The following JAKMIP3 variants were observed in gnomAD, a reference collection of about 807,000 sequenced individuals.
The protein encoded by JAKMIP3 is janus kinase and microtubule-interacting protein 3.
A neutral mutation model predicts 118.5 loss-of-function variants in JAKMIP3; 58 were observed. That is an observed-to-expected ratio of 0.49 (90% confidence interval 0.40 to 0.61). JAKMIP3 has a LOEUF of 0.61. JAKMIP3 is among the 20% of genes least tolerant of loss of function. The pLI is 0.00. For missense variants in JAKMIP3, 950 were observed against 1,109.0 expected (o/e 0.86, Z 2.04); for synonymous variants, 486 against 451.2 (o/e 1.08, Z -0.98).
intron 1 of JAKMIP3, among the ~76,000 whole-genome samples, chr10:132,087,434 G>A (rs1268479029): frequency 6.6e-6 from 1 of 152,100 alleles, no homozygotes; most frequent in Non-Finnish European, 1.5e-5. Flanking sequence ...AGTTTTTCTT[G>A]ATTGTTCCCC....
intron 23 of JAKMIP3, among the ~76,000 whole-genome samples, chr10:132,172,800 G>C (rs2059629808): frequency 6.6e-6 from 1 of 151,748 alleles, no homozygotes. Context: ...AGAGCAGTGT[G>C]CAGAAACCAA....
At chr10:132,121,125 G>A (rs1421707476) in intron 3 of JAKMIP3, among the ~76,000 whole-genome samples, 1 of 152,164 alleles carries the variant, frequency 6.6e-6, no homozygotes, top group Non-Finnish European at 1.5e-5. Context: ...GCTGGGGTGA[G>A]GGTGGGGTCC....
chr10:132,082,203 T>C (rs1397437202), intron 1 of JAKMIP3, among the ~76,000 whole-genome samples: 1 of 152,136 alleles, frequency 6.6e-6, no homozygotes, highest in Non-Finnish European at 1.5e-5. Context: ...TTGCTTCCCT[T>C]TTAATAATTT....
chr10:132,116,100 GA>G (rs1476409030), intron 2 of JAKMIP3, among the ~76,000 whole-genome samples: 7 of 152,244 alleles, frequency 4.6e-5, no homozygotes, highest in Admixed American at 4.6e-4. Flanking sequence ...TTGCTTCTTA[GA>G]AGAAGTGCCT....
rs1227605009 is a variant in JAKMIP3 at position 132,049,610 on chromosome 10, C to G, written c.-138+12872C>G. Among the ~76,000 whole-genome samples, 1 of 151,728 alleles carries G rather than the reference C, an allele frequency of 6.6e-6. No homozygotes were observed. The highest frequency in any genetic ancestry group is 1.5e-5 in the Non-Finnish European group (1 of 67,990). On this transcript the variant is annotated intron_variant, in intron 1 of 23. Transcript: ENST00000657785. This position sits in a 1 kb window ranked among gnomAD's most constrained non-coding sequence, Gnocchi z 4.3. The stretch of plus-strand genomic sequence containing the variant: ...TATCCTTGAATGCTGTTTGCGTGTG[C>G]CCGGTTCTGTTTGGATGTACAGGTT...
Position 132,180,580 on chromosome 10 carries a change from C to CGTGT in JAKMIP3, c.*1104-1774_*1104-1773insTGTG, listed in dbSNP as rs1241643311. ...ATGCGTGTGTGTGCGTGTGTGTGTG[C>CGTGT]GTGCGCGTGTGTGTGTGCGTGCGCG... On this transcript the variant is annotated intron_variant, in intron 23 of 23. Transcript: ENST00000684848. Among the ~76,000 whole-genome samples the CGTGT allele has an allele frequency of 4.8e-3, 62 of 12,972 alleles. 19 individuals carry two copies. The highest frequency in any genetic ancestry group is 0.027 in the African/African-American group (50 of 1,850). The allele number at this position is 12,972 out of a possible 152,430, so 8.5% of individuals were successfully genotyped here.
intron 23 of JAKMIP3, among the ~76,000 whole-genome samples, chr10:132,170,736 C>G (rs1469392798): frequency 6.6e-6 from 1 of 152,200 alleles, no homozygotes; most frequent in African/African-American, 2.4e-5. Context: ...GTGTCTCAGG[C>G]CTGTCGGCAT....
At chr10:132,130,065 C>T (rs1360390570) in intron 3 of JAKMIP3, among the ~76,000 whole-genome samples, 1 of 152,024 alleles carries the variant, frequency 6.6e-6, no homozygotes, top group African/African-American at 2.4e-5. Context: ...GTCTCTGGGA[C>T]ATCAAGGGGC....
At chr10:132,148,459 G>A (rs911196564) in intron 14 of JAKMIP3, among the ~76,000 whole-genome samples, 7 of 96,048 alleles carry the variant, frequency 7.3e-5, no homozygotes, top group Admixed American at 4.4e-4. Context: ...CCATCTGCCC[G>A]TCCTCCATCC....
At chr10:132,167,644 G>T (rs886937126) in intron 22 of JAKMIP3, among the ~76,000 whole-genome samples, 1 of 152,122 alleles carries the variant, frequency 6.6e-6, no homozygotes, top group African/African-American at 2.4e-5. Flanking sequence ...ATCATTGTTC[G>T]CCTCGGTCCT....
At position 132,153,749 on chromosome 10, in the gene JAKMIP3, TTG is replaced by T; in HGVS notation, c.2074-6_2074-5del. 1 of 1,612,884 alleles carries T rather than the reference TTG, an allele frequency of 6.2e-7. No individual in the cohort carries two copies. On this transcript the variant is annotated splice_region_variant and splice_polypyrimidine_tract_variant and intron_variant, in intron 17 of 23. Coordinates refer to ENST00000684848, the MANE Select transcript of JAKMIP3 (RefSeq NM_001323087.2). ...GGGGTCACTGTCCTGCTTGTTCTGT[TTG>T]TGTCCAGTGGCTCCAGCAGATTGAG... is the stretch of plus-strand genomic sequence containing the variant.
intron 1 of JAKMIP3, among the ~76,000 whole-genome samples, chr10:132,103,443 AGAGGAGCAGCTGGGGGGGG>A (rs1258661548): frequency 0.021 from 562 of 26,814 alleles, 6 homozygotes; most frequent in Admixed American, 0.05. Context: ...CACCTGGGGG[AGAGGAGCAGCTGGGGGGGG>A]GAGGAGCAGC....
intron 1 of JAKMIP3, among the ~76,000 whole-genome samples, chr10:132,087,254 A>T (rs1475509944): frequency 6.6e-6 from 1 of 152,150 alleles, no homozygotes; most frequent in Non-Finnish European, 1.5e-5. Flanking sequence ...GTTTTCCTTT[A>T]TAGGTTACCT....
At chr10:132,170,660 G>A (rs2059404301) in intron 23 of JAKMIP3, among the ~76,000 whole-genome samples, 1 of 152,184 alleles carries the variant, frequency 6.6e-6, no homozygotes, top group African/African-American at 2.4e-5. Context: ...GTGTCCATGG[G>A]GGCGGTCAGG....
At chr10:132,109,049 CACAT>C (rs201501953) in intron 2 of JAKMIP3, among the ~76,000 whole-genome samples, 15,616 of 129,104 alleles carry the variant, frequency 0.12, 1,802 homozygotes, top group Non-Finnish European at 0.18. Flanking sequence ...TATATACACA[CACAT>C]ACATGCACAT....
intron 16 of JAKMIP3, among the ~76,000 whole-genome samples, chr10:132,151,291 C>T (rs894793789): frequency 2.0e-5 from 3 of 152,072 alleles, no homozygotes; most frequent in Admixed American, 2.0e-4. Context: ...TATCCACATC[C>T]CCTCCCTCCA....
intron 14 of JAKMIP3, 86 bp from the exon 15 acceptor site, chr10:132,149,326 G>C: frequency 1.2e-6 from 1 of 857,962 alleles, no homozygotes; most frequent in Non-Finnish European, 1.8e-6. Context: ...CATGGTCTTG[G>C]CCCGTGTTCC....
intron 1 of JAKMIP3, among the ~76,000 whole-genome samples, chr10:132,074,438 T>G (rs888214197): frequency 3.3e-5 from 5 of 152,236 alleles, no homozygotes; most frequent in African/African-American, 9.6e-5. Context: ...CTCTGGTGAT[T>G]ACTGACATTG....
chr10:132,100,615 C>G (rs1356808148), intron 1 of JAKMIP3, among the ~76,000 whole-genome samples: 1 of 151,590 alleles, frequency 6.6e-6, no homozygotes, highest in South Asian at 2.1e-4. Context: ...GCCACGCCCC[C>G]CCAGCAGCTA....
Sources: allele counts gnomAD v4.1 joint callset (sites outside exome capture counted in the v4.1 genomes callset), GRCh38; gene constraint gnomAD v4.1.1; non-coding constraint Gnocchi (gnomAD v3.1); transcripts MANE v1.5; gene names NCBI Gene and HGNC (gene_info 2026-07-23, HGNC 2026-07-21).